PRPF8: variants seen among roughly 807,000 people sequenced by gnomAD.
PRPF8 encodes the protein pre-mRNA-processing-splicing factor 8.
Under a neutral mutation model 285.9 loss-of-function variants are expected in PRPF8, and 64 were observed. The observed-to-expected ratio is 0.22, with a 90% confidence interval of 0.18 to 0.28. The LOEUF is 0.28. PRPF8 is among the 10% of genes least tolerant of loss of function. The pLI, the probability that PRPF8 is intolerant of heterozygous loss-of-function variation, is 1.00. For missense variants in PRPF8, 1,426 were observed against 3,026.7 expected (o/e 0.47, Z 12.41); for synonymous variants, 1,325 against 1,118.2 (o/e 1.18, Z -3.69).
Position 1,676,608 on chromosome 17 carries a change from C to T in PRPF8, c.2285G>A (p.Arg762His), listed in dbSNP as rs749953204. ...AGTCTTGTCCACAGTGGCCCCTCGG[C>T]GGATCCGTTCTCGGTTGTAGTGGGC... ...NTAHYNRERIRRGATVDKTVC... is the reference protein window; with the variant it reads ...NTAHYNRERIHRGATVDKTVC... Residue 762 changes from arginine to histidine, a missense_variant, in exon 16 of 43, where the codon CGC becomes CAC. By Grantham distance (29) the Arg-to-His change is conservative. Transcript: ENST00000304992. This position sits in a 1 kb window ranked among gnomAD's most constrained non-coding sequence, Gnocchi z 6.3. The T allele has an allele frequency of 3.1e-6, 5 of 1,614,044 alleles. No individual in the cohort carries two copies. Among genetic ancestry groups the T allele is most frequent in the Non-Finnish European group, 2.5e-6 (3 of 1,180,042 alleles).
chr17:1,656,320 C>T, intron 36 of PRPF8, 72 bp downstream of exon 36: 1 of 1,595,052 alleles, frequency 6.3e-7, no homozygotes, highest in Non-Finnish European at 8.6e-7. Context: ...ATGGCAAAAA[C>T]CTGACACAGG....
intron 24 of PRPF8, among the ~76,000 whole-genome samples, chr17:1,671,805 T>C (rs1006849820): frequency 5.0e-5 from 7 of 138,830 alleles, no homozygotes; most frequent in African/African-American, 1.9e-4. Flanking sequence ...GAGCCAAGAC[T>C]GCGCCACTGC....
At chr17:1,668,069 T>A (rs1265437713) in intron 24 of PRPF8, among the ~76,000 whole-genome samples, 1 of 152,250 alleles carries the variant, frequency 6.6e-6, no homozygotes, top group Non-Finnish European at 1.5e-5. Flanking sequence ...CCTATCAGTA[T>A]CCCTATTTTA....
In PRPF8 at chr17:1,684,456, C is replaced by T. The variant is rs755028308; in HGVS notation, c.100+16G>A. 1.9e-5 allele frequency: 31 copies of T among 1,612,392 alleles called. No homozygotes were observed. In the Admixed American group the frequency reaches 5.2e-4, roughly 27 times the overall value. ...CCCGCCTCCGGCCCGCGCGCCGCTC[C>T]ACACTCTCGCCTCACCTTTCTCCTG... On this transcript the variant is annotated intron_variant, in intron 2 of 42. Transcript: ENST00000304992.
intron 36 of PRPF8, 33 bp downstream of exon 36, chr17:1,656,358 TC>T: frequency 6.2e-7 from 1 of 1,613,876 alleles, no homozygotes; most frequent in Middle Eastern, 1.7e-4. Context: ...AACCCGCTCC[TC>T]CTCCAGCGAT....
intron 8 of PRPF8, 33 bp downstream of exon 8, chr17:1,680,693 G>A (rs1912868094): frequency 1.9e-6 from 3 of 1,565,950 alleles, no homozygotes; most frequent in Admixed American, 1.7e-5. Flanking sequence ...TCTCCTAGAA[G>A]AGCTGAGGGA....
chr17:1,676,804 C>T lies in PRPF8; in HGVS notation c.2182-93G>A, dbSNP rs1912624610. Reference sequence around the variant, plus strand: ...GGCTACTCAGGAGGCTAAGGAGGATCGCTTGAGCTCAGGAGCTTGAGGCCA... The same window carrying T: ...GGCTACTCAGGAGGCTAAGGAGGATTGCTTGAGCTCAGGAGCTTGAGGCCA... On this transcript the variant is annotated intron_variant, in intron 15 of 42. Coordinates refer to ENST00000304992, the MANE Select transcript of PRPF8 (RefSeq NM_006445.4). This position sits in a 1 kb window ranked among gnomAD's most constrained non-coding sequence, Gnocchi z 6.3. The T allele has an allele frequency of 7.3e-6, 11 of 1,511,026 alleles. No homozygotes were observed. Among genetic ancestry groups the T allele is most frequent in the South Asian group, 5.6e-5 (5 of 89,120 alleles). 93.6% of individuals were successfully genotyped at this position (1,511,026 alleles called of 1,614,324 possible). A position where few individuals can be genotyped will look rare whatever the true frequency, so the allele number is the denominator to read the frequency against.
At position 1,680,110 on chromosome 17, in the gene PRPF8, T is replaced by C. The variant is rs116205606; in HGVS notation, c.1099-311A>G. Among the ~76,000 whole-genome samples the C allele has an allele frequency of 3.1e-3, 475 of 152,262 alleles. 1 individual carries two copies. The highest frequency in any genetic ancestry group is 0.011 in the African/African-American group (462 of 41,556). ...CCCACCCAAGCTCCAAACACTGGGCTTGGACACAACGGAACACAGATGAGC... is the reference window on the plus strand; with the variant it reads ...CCCACCCAAGCTCCAAACACTGGGCCTGGACACAACGGAACACAGATGAGC... On this transcript the variant is annotated intron_variant, in intron 8 of 42. Transcript: ENST00000304992.
chr17:1,660,920 G>C (rs1911648942), intron 28 of PRPF8, 73 bp downstream of exon 28: 1 of 1,612,380 alleles, frequency 6.2e-7, no homozygotes. Context: ...AACACCACAG[G>C]AAATCACAGA....
rs1911667788 is a variant in PRPF8, at chr17:1,661,322, T to C, written c.4287A>G (p.Thr1429=). The change falls in exon 27 of 43, where the codon ACA becomes ACG. Residue 1429 remains threonine (T), a synonymous_variant. Transcript: ENST00000304992. The surrounding 1 kb of genome is among the most constrained non-coding windows in gnomAD (Gnocchi z 7.3). ...INTLFQKDRH[T]LAYDKGWRVR... ...CACGCCAGCCCTTATCATAAGCCAGTGTGTGCCGGTCCTTCTGGAAGAGGG... is the reference window on the plus strand; with the variant it reads ...CACGCCAGCCCTTATCATAAGCCAGCGTGTGCCGGTCCTTCTGGAAGAGGG... 2 of 1,614,018 alleles carry C rather than the reference T, an allele frequency of 1.2e-6. No individual in the cohort carries two copies. The highest frequency in any genetic ancestry group is 1.3e-5 in the African/African-American group (1 of 74,904).
intron 14 of PRPF8, 49 bp from the exon 15 acceptor site, chr17:1,677,221 C>T: frequency 1.3e-6 from 2 of 1,545,258 alleles, no homozygotes; most frequent in Non-Finnish European, 1.8e-6. Flanking sequence ...TCCTTGCTTT[C>T]AATAAGGGTC....
In PRPF8 at chr17:1,658,809, C is replaced by T. The variant is rs372253688; in HGVS notation, c.5139-46G>A. On this transcript the variant is annotated intron_variant, in intron 32 of 42. Coordinates refer to ENST00000304992, the MANE Select transcript of PRPF8 (RefSeq NM_006445.4). The surrounding 1 kb of genome is among the most constrained non-coding windows in gnomAD (Gnocchi z 4.1). ...AGAAAAGTTAAGACGAGAATGACAG[C>T]CCCAGAAACAAGACAAGCTGCCAAC... 9 of 1,546,488 alleles carry T rather than the reference C, an allele frequency of 5.8e-6. No homozygotes were observed. The African/African-American group carries it at 1.2e-4, about 21-fold the overall frequency.
chr17:1,655,010 G>A (rs1253551260), intron 37 of PRPF8: 2 of 293,670 alleles, frequency 6.8e-6, no homozygotes, highest in Non-Finnish European at 1.3e-5. Context: ...CCAGGCTGGA[G>A]TGCAGTGGCA....
rs78150656 is a variant in PRPF8 at position 1,683,804 on chromosome 17, G to A, written c.101-103C>T. ...TGTCAGTGAGTGTGAGGGAGAAGCA[G>A]GCACCAGCAGGAAGAAGCACCCCTT... On this transcript the variant is annotated intron_variant, in intron 2 of 42. Transcript: ENST00000304992. The A allele has an allele frequency of 2.0e-3, 2,826 of 1,398,726 alleles. 47 individuals are homozygous for A. In the African/African-American group the frequency reaches 0.036, roughly 18 times the overall value. The allele number at this position is 1,398,726 out of a possible 1,614,324, so 86.6% of individuals were successfully genotyped here.
chr17:1,655,590 C>T (rs1911328113), intron 36 of PRPF8, 47 bp from the exon 37 acceptor site: 6 of 1,491,288 alleles, frequency 4.0e-6, no homozygotes, highest in Non-Finnish European at 5.6e-6. Context: ...GCTTGAGGCT[C>T]TCCCACTTTA....
At chr17:1,663,964 A>G (rs1265498436) in intron 24 of PRPF8, among the ~76,000 whole-genome samples, 1 of 152,180 alleles carries the variant, frequency 6.6e-6, no homozygotes, top group Non-Finnish European at 1.5e-5. Flanking sequence ...TCCTAAATAC[A>G]TTATGTAACT....
In PRPF8 at chr17:1,662,091, C is replaced by G. The variant is rs1329757056; in HGVS notation, c.3837G>C (p.Val1279=). 6.2e-7 allele frequency: 1 copy of G among 1,613,984 alleles called. No individual in the cohort carries two copies. Among genetic ancestry groups the G allele is most frequent in the African/African-American group, 1.3e-5 (1 of 74,896 alleles). Residue 1279 remains valine, a synonymous_variant, in exon 25 of 43, where the codon GTG becomes GTC. Transcript: ENST00000304992. ...GTAAGTCCAAGAGCTCTTGGGTGTT[C>G]ACCACAGCCTCCCGAAAGTATGTCA... is the stretch of plus-strand genomic sequence containing the variant. ...GLMTYFREAV[V]NTQELLDLLV...
chr17:1,673,576 A>G lies in PRPF8; in HGVS notation c.3447-9T>C. On this transcript the variant is annotated splice_polypyrimidine_tract_variant and intron_variant, in intron 22 of 42. Coordinates refer to ENST00000304992, the MANE Select transcript of PRPF8 (RefSeq NM_006445.4). This position sits in a 1 kb window ranked among gnomAD's most constrained non-coding sequence, Gnocchi z 5.5. ...AGAATACCGCCCGGCCTCTGCCCAC[A>G]GAGAACACATGGTCACAGCAGTTTC... The G allele has an allele frequency of 1.9e-6, 3 of 1,613,910 alleles. No homozygotes were observed. The highest frequency in any genetic ancestry group is 2.5e-6 in the Non-Finnish European group (3 of 1,180,010).
chr17:1,651,930 A>G lies in PRPF8; in HGVS notation c.6370-142T>C. On this transcript the variant is annotated intron_variant, in intron 39 of 42. Transcript: ENST00000304992. The surrounding 1 kb of genome is among the most constrained non-coding windows in gnomAD (Gnocchi z 5.1). ...GATCAGAACCCCCTGTATCAGAATC[A>G]GCTGGGGTGCTTGTTCAAAATGTTA... is the stretch of plus-strand genomic sequence containing the variant. The G allele has an allele frequency of 1.8e-6, 2 of 1,084,054 alleles. No homozygotes were observed. The highest frequency in any genetic ancestry group is 2.8e-6 in the Non-Finnish European group (2 of 721,316). The allele number at this position is 1,084,054 out of a possible 1,614,324, so 67.2% of individuals were successfully genotyped here.
Sources: gnomAD v4.1 joint callset for allele counts (sites outside exome capture counted in the v4.1 genomes callset) on GRCh38, gnomAD v4.1.1 for gene constraint, Gnocchi (gnomAD v3.1) non-coding constraint, MANE v1.5 for transcripts, NCBI Gene and HGNC (gene_info 2026-07-23, HGNC 2026-07-21) for gene names.